The following SH3PXD2A variants were observed in gnomAD, a reference collection of about 807,000 sequenced individuals.
SH3PXD2A encodes the protein SH3 and PX domains 2A.
A neutral mutation model predicts 115.2 loss-of-function variants in SH3PXD2A; 32 were observed. That is an observed-to-expected ratio of 0.28 (90% confidence interval 0.21 to 0.37). The LOEUF (loss-of-function observed/expected upper bound fraction) is 0.37, where lower values mean the gene tolerates loss of function less well. Among genes scored for constraint, SH3PXD2A ranks in the 10% least tolerant of loss-of-function variants. SH3PXD2A has a pLI of 1.00. For missense variants in SH3PXD2A, 1,328 were observed against 1,498.7 expected, an observed-to-expected ratio of 0.89 and a Z score of 1.88; for synonymous variants, 610 against 629.1, an observed-to-expected ratio of 0.97 and a Z score of 0.45.
chr10:103,758,496 G>A (rs957386632), intron 3 of SH3PXD2A, among the ~76,000 whole-genome samples: 1 of 152,258 alleles, frequency 6.6e-6, no homozygotes, highest in African/African-American at 2.4e-5. Flanking sequence ...CACACTGGAA[G>A]GTAAACTTCC....
chr10:103,640,663 G>C (rs1407817829), intron 8 of SH3PXD2A, among the ~76,000 whole-genome samples: 1 of 152,206 alleles, frequency 6.6e-6, no homozygotes, highest in East Asian at 1.9e-4. Flanking sequence ...TAGAGAAGAA[G>C]GCGGTGAATT....
At chr10:103,802,710 G>T (rs1390098017) in intron 1 of SH3PXD2A, among the ~76,000 whole-genome samples, 1 of 152,208 alleles carries the variant, frequency 6.6e-6, no homozygotes, top group East Asian at 1.9e-4. Flanking sequence ...TAAGACACAG[G>T]TAAGACCTCT....
At chr10:103,695,147 C>G (rs757983132) in intron 5 of SH3PXD2A, among the ~76,000 whole-genome samples, 4 of 152,166 alleles carry the variant, frequency 2.6e-5, no homozygotes, top group Non-Finnish European at 5.9e-5. Flanking sequence ...CACAATTTTC[C>G]TGCTGGTCCT....
intron 8 of SH3PXD2A, among the ~76,000 whole-genome samples, chr10:103,629,052 G>A (rs2036740061): frequency 6.6e-6 from 1 of 152,178 alleles, no homozygotes; most frequent in Non-Finnish European, 1.5e-5. Flanking sequence ...GCCTGTGTGG[G>A]ACCAGGATAG....
At chr10:103,658,851 C>T (rs181045515) in intron 8 of SH3PXD2A, among the ~76,000 whole-genome samples, 7 of 152,356 alleles carry the variant, frequency 4.6e-5, no homozygotes, top group South Asian at 2.1e-4. Context: ...CTGCTTCCAA[C>T]CAGCCACAAG....
At chr10:103,606,013 A>T (rs954245249) in intron 13 of SH3PXD2A, 96 bp from the exon 14 acceptor site, 1 of 1,325,366 alleles carries the variant, frequency 7.5e-7, no homozygotes, top group Non-Finnish European at 1.0e-6. Context: ...GGGGGTGCGG[A>T]TGGCCGTTTA....
chr10:103,623,919 C>T (rs545215245), intron 9 of SH3PXD2A, among the ~76,000 whole-genome samples: 1 of 152,348 alleles, frequency 6.6e-6, no homozygotes, highest in South Asian at 2.1e-4. Flanking sequence ...GCAGCTTTCA[C>T]AGTAAGGTGT....
At chr10:103,771,412 C>G (rs1564885083) in intron 2 of SH3PXD2A, among the ~76,000 whole-genome samples, 1 of 152,118 alleles carries the variant, frequency 6.6e-6, no homozygotes, top group Non-Finnish European at 1.5e-5. Flanking sequence ...TTTCTGTATG[C>G]CTTCTCCATG....
In SH3PXD2A at chr10:103,601,794, C is replaced by A; in HGVS notation, c.*22G>T. The A allele has an allele frequency of 6.6e-7, 1 of 1,521,664 alleles. No individual in the cohort carries two copies. 94.3% of individuals were successfully genotyped at this position (1,521,664 alleles called of 1,614,324 possible). On this transcript the variant is annotated 3_prime_UTR_variant, in exon 15 of 15. Coordinates refer to ENST00000369774, the MANE Select transcript of SH3PXD2A (RefSeq NM_001394015.1). ...GGGCGGCCAGAGAGGCACACTGAGG[C>A]TGGAAGAGCCCAGGCCCTCTGCTAG...
At chr10:103,691,132 G>A (rs1165976116) in intron 6 of SH3PXD2A, among the ~76,000 whole-genome samples, 5 of 152,050 alleles carry the variant, frequency 3.3e-5, no homozygotes, top group African/African-American at 1.2e-4. Flanking sequence ...GGTAACTGAG[G>A]CCCAGCATAG....
At chr10:103,604,108 A>G (rs537521253) in intron 14 of SH3PXD2A, among the ~76,000 whole-genome samples, 51 of 152,140 alleles carry the variant, frequency 3.4e-4, no homozygotes, top group South Asian at 8.3e-4. Flanking sequence ...AGTCCCTACA[A>G]TCCTGCCAGT....
chr10:103,838,649 G>T (rs535585779), intron 1 of SH3PXD2A, among the ~76,000 whole-genome samples: 1 of 152,282 alleles, frequency 6.6e-6, no homozygotes, highest in South Asian at 2.1e-4. Context: ...GGCCAGGGAG[G>T]CAAAACAGCA....
Position 103,601,802 on chromosome 10 carries a change from G to A in SH3PXD2A, c.*14C>T. ...AGAGAGGCACACTGAGGCTGGAAGA[G>A]CCCAGGCCCTCTGCTAGTTCTTTTT... On this transcript the variant is annotated 3_prime_UTR_variant, in exon 15 of 15. Transcript: ENST00000369774. The A allele has an allele frequency of 2.5e-6, 4 of 1,571,386 alleles. No individual in the cohort carries two copies. Among genetic ancestry groups the A allele is most frequent in the Non-Finnish European group, 3.5e-6 (4 of 1,158,122 alleles).
intron 1 of SH3PXD2A, among the ~76,000 whole-genome samples, chr10:103,840,833 G>T (rs1327113886): frequency 6.6e-6 from 1 of 152,010 alleles, no homozygotes; most frequent in Non-Finnish European, 1.5e-5. Context: ...CTGTTGTTAC[G>T]GTTGTTATTG....
intron 2 of SH3PXD2A, among the ~76,000 whole-genome samples, chr10:103,788,753 G>A (rs2039004274): frequency 6.6e-6 from 1 of 152,124 alleles, no homozygotes; most frequent in Non-Finnish European, 1.5e-5. Flanking sequence ...TGTAATCCCA[G>A]CTACTCTAAT....
intron 1 of SH3PXD2A, among the ~76,000 whole-genome samples, chr10:103,831,561 A>T (rs2039483005): frequency 6.6e-6 from 1 of 152,170 alleles, no homozygotes; most frequent in Non-Finnish European, 1.5e-5. Context: ...AGGGTGGCTC[A>T]ATAATCCCAG....
chr10:103,690,125 A>G (rs909873450), intron 6 of SH3PXD2A, among the ~76,000 whole-genome samples: 2 of 152,120 alleles, frequency 1.3e-5, no homozygotes, highest in Admixed American at 6.5e-5. Context: ...CATTTGCAAA[A>G]TGGGAATCCC....
Position 103,701,843 on chromosome 10 carries a change from A to T in SH3PXD2A, c.399-8787T>A, listed in dbSNP as rs542097012. 6.3e-4 allele frequency among the ~76,000 whole-genome samples: 94 copies of T among 148,620 alleles called. 1 individual carries two copies. The highest frequency in any genetic ancestry group is 2.7e-3 in the Admixed American group (40 of 14,896). ...TCTGTCCATCATCTATCTACCATCT[A>T]TCCATCCACCATCCATTTACCATCT... On this transcript the variant is annotated intron_variant, in intron 5 of 14. Coordinates refer to ENST00000369774, the MANE Select transcript of SH3PXD2A (RefSeq NM_001394015.1).
chr10:103,692,825 G>T (rs1214035705), intron 6 of SH3PXD2A, among the ~76,000 whole-genome samples: 1 of 152,180 alleles, frequency 6.6e-6, no homozygotes, highest in Non-Finnish European at 1.5e-5. Flanking sequence ...GGCGAACGAG[G>T]GTTCTAGGAC....
Sources: allele counts gnomAD v4.1 joint callset (sites outside exome capture counted in the v4.1 genomes callset), GRCh38; gene constraint gnomAD v4.1.1; transcripts MANE v1.5; gene names NCBI Gene and HGNC (gene_info 2026-07-23, HGNC 2026-07-21).